RASSF9: variants seen among roughly 807,000 people sequenced by gnomAD.
RASSF9 encodes ras association domain-containing protein 9.
RASSF9 carries 18 observed loss-of-function variants against 21.4 expected under a neutral mutation model. That is an observed-to-expected ratio of 0.84 (90% CI 0.58 to 1.25). The LOEUF (loss-of-function observed/expected upper bound fraction) is 1.25. RASSF9 is among the 50% of genes most tolerant of loss of function. The pLI, the probability that RASSF9 is intolerant of heterozygous loss-of-function variation, is 0.00. For synonymous variants in RASSF9, 183 were observed against 179.1 expected (o/e 1.02, Z -0.18); for missense variants, 480 against 503.2 (o/e 0.95, Z 0.44).
chr12:85,833,114 G>T (rs1281465467), intron 1 of RASSF9, among the ~76,000 whole-genome samples: 1 of 151,774 alleles, frequency 6.6e-6, no homozygotes, highest in Non-Finnish European at 1.5e-5. Context: ...AAATTATGTA[G>T]TAGGATAAGA....
Position 85,805,881 on chromosome 12 carries a change from C to T in RASSF9, c.129G>A (p.Leu43=). 6.2e-7 allele frequency: 1 copy of T among 1,613,978 alleles called. No homozygotes were observed. The highest frequency in any genetic ancestry group is 8.5e-7 in the Non-Finnish European group (1 of 1,179,878). The change falls in exon 2 of 2, where the codon CTG becomes CTA. Residue 43 remains leucine, a synonymous_variant. Coordinates refer to ENST00000361228, the MANE Select transcript of RASSF9 (RefSeq NM_005447.4). The stretch of plus-strand genomic sequence containing the variant: ...CATCAGCAGAGGTGGTGCGTTTAGT[C>T]AGCCCACAGACAAGCTTCTCTTCTT... ...VCQEEKLVCG[L]TKRTTSADVI...
intron 1 of RASSF9, among the ~76,000 whole-genome samples, chr12:85,820,969 C>A (rs1188817805): frequency 2.0e-5 from 3 of 151,992 alleles, no homozygotes; most frequent in South Asian, 4.1e-4. Context: ...CATGGTGAAA[C>A]CCTGTCTCTA....
intron 1 of RASSF9, among the ~76,000 whole-genome samples, chr12:85,825,344 A>G (rs570958076): frequency 6.6e-5 from 10 of 152,232 alleles, no homozygotes; most frequent in African/African-American, 1.9e-4. Context: ...TACAGTAGGT[A>G]TTAAACTTGG....
chr12:85,821,243 G>A (rs1200225666), intron 1 of RASSF9, among the ~76,000 whole-genome samples: 2 of 152,194 alleles, frequency 1.3e-5, no homozygotes, highest in East Asian at 3.9e-4. Flanking sequence ...AAAAATGAAG[G>A]CATTTTAGGT....
At chr12:85,806,803 GA>G (rs1446974573) in intron 1 of RASSF9, among the ~76,000 whole-genome samples, 1 of 149,360 alleles carries the variant, frequency 6.7e-6, no homozygotes, top group Non-Finnish European at 1.5e-5. Context: ...TTTCATTCAA[GA>G]AAACTGAGGC....
rs1447207088 is a variant in RASSF9, at chr12:85,801,838, T to C, written c.*2864A>G. 6.6e-6 allele frequency: 1 copy of C among 152,006 alleles called. No individual in the cohort carries two copies. The highest frequency in any genetic ancestry group is 1.5e-5 in the Non-Finnish European group (1 of 68,034). 9.4% of individuals were successfully genotyped at this position (152,006 alleles called of 1,614,324 possible). ...TCAAGGAAAAAAAAAATAGAATTCA[T>C]TGAAGGAGGGGAATTAGGTAAGTGC... On this transcript the variant is annotated 3_prime_UTR_variant, in exon 2 of 2. Transcript: ENST00000361228.
intron 1 of RASSF9, among the ~76,000 whole-genome samples, chr12:85,834,834 T>G (rs1880524555): frequency 6.6e-6 from 1 of 152,134 alleles, no homozygotes. Flanking sequence ...TCTAGAATAT[T>G]TTAAAATGCA....
In RASSF9 at chr12:85,805,521, T is replaced by TAG; in HGVS notation, c.488_489insCT (p.Lys163AsnfsTer2). ...TAATTTTAGCCAGTTTCCGGAAAGT[T>TAG]TTCCTGACTATTCTTTTTTGTTTAT... On this transcript the variant is annotated frameshift_variant, in exon 2 of 2. Transcript: ENST00000361228. LOFTEE classifies it high-confidence loss of function. 6.2e-7 allele frequency: 1 copy of TAG among 1,613,934 alleles called. No individual in the cohort carries two copies. The highest frequency in any genetic ancestry group is 1.1e-5 in the South Asian group (1 of 91,074).
At chr12:85,832,087 T>G (rs1377152642) in intron 1 of RASSF9, among the ~76,000 whole-genome samples, 1 of 151,934 alleles carries the variant, frequency 6.6e-6, no homozygotes, top group Non-Finnish European at 1.5e-5. Flanking sequence ...TATCAGTACG[T>G]TTTGTGAAAG....
Position 85,836,293 on chromosome 12 carries a change from G to C in RASSF9, c.-92C>G. On this transcript the variant is annotated 5_prime_UTR_variant, in exon 1 of 2. Coordinates refer to ENST00000361228, the MANE Select transcript of RASSF9 (RefSeq NM_005447.4). Reference sequence around the variant, plus strand: ...GGATTTCCAGGGTGAAGGGAGGAGGGCTGGAAGCTTTCTCTTCTCCTCGGA... The same window carrying C: ...GGATTTCCAGGGTGAAGGGAGGAGGCCTGGAAGCTTTCTCTTCTCCTCGGA... 177 of 1,461,976 alleles carry C rather than the reference G, an allele frequency of 1.2e-4. No homozygotes were observed. Among genetic ancestry groups the C allele is most frequent in the Middle Eastern group, 2.1e-4 (1 of 4,848 alleles). The allele number at this position is 1,461,976 out of a possible 1,614,324, so 90.6% of individuals were successfully genotyped here.
At chr12:85,810,744 C>A (rs1879935926) in intron 1 of RASSF9, among the ~76,000 whole-genome samples, 1 of 151,738 alleles carries the variant, frequency 6.6e-6, no homozygotes, top group Admixed American at 6.6e-5. Flanking sequence ...TTTAAACATA[C>A]AAATTTAGAC....
chr12:85,834,681 A>C (rs936650805), intron 1 of RASSF9, among the ~76,000 whole-genome samples: 2 of 152,142 alleles, frequency 1.3e-5, no homozygotes, highest in African/African-American at 4.8e-5. Context: ...TTATGAAACC[A>C]TAAAGTTTTC....
At position 85,805,233 on chromosome 12, in the gene RASSF9, G is replaced by T. The variant is rs760356951; in HGVS notation, c.777C>A (p.Asp259Glu). ...LQYEENQTLEDLSESDGIEQL... is the reference protein window; with the variant it reads ...LQYEENQTLEELSESDGIEQL... ...GTTCAATTCCATCACTTTCGCTCAGGTCCTCCAGAGTCTGGTTTTCCTCAT... is the reference window on the plus strand; with the variant it reads ...GTTCAATTCCATCACTTTCGCTCAGTTCCTCCAGAGTCTGGTTTTCCTCAT... The change falls in exon 2 of 2, where the codon GAC becomes GAA. Residue 259 changes from aspartate to glutamate, a missense_variant. Asp to Glu is a conservative substitution (Grantham distance 45, BLOSUM62 2). Coordinates refer to ENST00000361228, the MANE Select transcript of RASSF9 (RefSeq NM_005447.4). 5 of 1,613,656 alleles carry T rather than the reference G, an allele frequency of 3.1e-6. No individual in the cohort carries two copies. In the South Asian group the frequency reaches 5.5e-5, roughly 18 times the overall value.
intron 1 of RASSF9, among the ~76,000 whole-genome samples, chr12:85,833,652 G>C (rs559990390): frequency 6.6e-6 from 1 of 151,900 alleles, no homozygotes; most frequent in Non-Finnish European, 1.5e-5. Flanking sequence ...AAAATTTTAT[G>C]ATCTTTAATC....
intron 1 of RASSF9, among the ~76,000 whole-genome samples, chr12:85,827,482 G>C (rs1005321625): frequency 6.6e-6 from 1 of 152,152 alleles, no homozygotes; most frequent in African/African-American, 2.4e-5. Context: ...TTTGAAAAAT[G>C]TAAATAAGAT....
chr12:85,807,678 C>A (rs1426854489), intron 1 of RASSF9, among the ~76,000 whole-genome samples: 2 of 151,850 alleles, frequency 1.3e-5, no homozygotes, highest in African/African-American at 4.8e-5. Context: ...TGTAAATATA[C>A]ATGTATATAT....
intron 1 of RASSF9, among the ~76,000 whole-genome samples, chr12:85,828,218 G>A (rs980094385): frequency 6.6e-6 from 1 of 152,028 alleles, no homozygotes; most frequent in Non-Finnish European, 1.5e-5. Flanking sequence ...AAGTCTGACA[G>A]AGTGAGATTT....
intron 1 of RASSF9, among the ~76,000 whole-genome samples, chr12:85,829,241 G>A (rs17013384): frequency 0.029 from 4,356 of 152,114 alleles, 232 homozygotes; most frequent in African/African-American, 0.099. Flanking sequence ...GCAGTCATAC[G>A]CCATAATTAA....
chr12:85,833,398 A>C (rs11117048), intron 1 of RASSF9, among the ~76,000 whole-genome samples: 1 of 151,880 alleles, frequency 6.6e-6, no homozygotes, highest in East Asian at 1.9e-4. Flanking sequence ...GACAGATATG[A>C]CCCCACCTTC....
Sources: allele counts gnomAD v4.1 joint callset (sites outside exome capture counted in the v4.1 genomes callset), GRCh38; gene constraint gnomAD v4.1.1; transcripts MANE v1.5; gene names NCBI Gene and HGNC (gene_info 2026-07-23, HGNC 2026-07-21).